The following SYT9 variants were observed in gnomAD, a reference collection of about 807,000 sequenced individuals.
The protein encoded by SYT9 is synaptotagmin-9.
In SYT9, 22 loss-of-function variants were observed where a neutral mutation model predicts 48.4. The ratio of observed to expected loss-of-function variants is 0.45; its 90% CI spans 0.32 to 0.65. The LOEUF (loss-of-function observed/expected upper bound fraction) is 0.65. Ranked by LOEUF, SYT9 falls within the 30% of genes least tolerant of loss-of-function variation. The probability of loss-of-function intolerance (pLI) is 0.03; values close to 1 mark genes in which losing one functional copy is unlikely to be tolerated. For missense variants in SYT9, 577 were observed against 622.0 expected (o/e 0.93, Z 0.77); for synonymous variants, 265 against 245.0 (o/e 1.08, Z -0.76).
intron 3 of SYT9, among the ~76,000 whole-genome samples, chr11:7,358,475 C>A (rs1020627051): frequency 1.3e-5 from 2 of 152,220 alleles, no homozygotes; most frequent in Admixed American, 6.5e-5. Context: ...ACTGTTAGGT[C>A]CTCCTGTACA....
At chr11:7,247,553 G>GTA (rs1486412118), upstream of SYT9, among the ~76,000 whole-genome samples, 5 of 134,794 alleles carry the variant, frequency 3.7e-5, 1 homozygote, top group Admixed American at 1.6e-4. Context: ...ACGTATACAT[G>GTA]TATATACACA....
At chr11:7,287,388 G>C (rs995945279) in intron 1 of SYT9, among the ~76,000 whole-genome samples, 2 of 152,196 alleles carry the variant, frequency 1.3e-5, no homozygotes, top group East Asian at 3.8e-4. Context: ...TTCAACATAA[G>C]ATTTGGGTGG....
At chr11:7,322,924 G>A (rs1475889030) in intron 3 of SYT9, among the ~76,000 whole-genome samples, 1 of 151,994 alleles carries the variant, frequency 6.6e-6, no homozygotes, top group Non-Finnish European at 1.5e-5. Context: ...TGAAATTTAT[G>A]TGAAAGATAC....
intron 1 of SYT9, among the ~76,000 whole-genome samples, chr11:7,301,680 G>A (rs1205142751): frequency 6.6e-6 from 1 of 152,220 alleles, no homozygotes; most frequent in Non-Finnish European, 1.5e-5. Context: ...TTGGCATGTA[G>A]TAGGCATTCA....
At chr11:7,302,809 G>A (rs933111150) in intron 1 of SYT9, among the ~76,000 whole-genome samples, 1 of 152,140 alleles carries the variant, frequency 6.6e-6, no homozygotes, top group Admixed American at 6.5e-5. Context: ...AACATGGCTT[G>A]CATGCTATGG....
At chr11:7,307,274 G>A (rs1418187988) in intron 2 of SYT9, among the ~76,000 whole-genome samples, 2 of 152,196 alleles carry the variant, frequency 1.3e-5, no homozygotes, top group East Asian at 1.9e-4. Flanking sequence ...TATACTATGA[G>A]TAGCACATTT....
chr11:7,423,596 ACACT>A (rs1847396554), intron 6 of SYT9, among the ~76,000 whole-genome samples: 1 of 152,204 alleles, frequency 6.6e-6, no homozygotes, highest in African/African-American at 2.4e-5. Flanking sequence ...TATATAATAA[ACACT>A]CAGTAAAGTT....
chr11:7,404,274 C>T (rs1846959926), intron 3 of SYT9, among the ~76,000 whole-genome samples: 1 of 152,078 alleles, frequency 6.6e-6, no homozygotes, highest in African/African-American at 2.4e-5. Context: ...TTTAGAGGTT[C>T]AGACCATTCA....
chr11:7,385,372 G>A (rs549890023), intron 3 of SYT9, among the ~76,000 whole-genome samples: 14 of 151,678 alleles, frequency 9.2e-5, no homozygotes, highest in South Asian at 2.1e-4. Context: ...GTGTGTGTGC[G>A]TGTGTGTCCA....
chr11:7,273,904 G>A (rs1426261968), intron 1 of SYT9, among the ~76,000 whole-genome samples: 1 of 151,974 alleles, frequency 6.6e-6, no homozygotes, highest in Non-Finnish European at 1.5e-5. Context: ...CTGTCAGGGG[G>A]TGGGGGACAA....
At chr11:7,409,079 G>T (rs1436678602) in intron 3 of SYT9, among the ~76,000 whole-genome samples, 7 of 152,016 alleles carry the variant, frequency 4.6e-5, no homozygotes, top group African/African-American at 1.4e-4. Flanking sequence ...TGTTCCTTCT[G>T]CACTTGGTTT....
intron 3 of SYT9, among the ~76,000 whole-genome samples, chr11:7,335,108 G>A (rs1252509238): frequency 6.6e-6 from 1 of 152,156 alleles, no homozygotes; most frequent in Admixed American, 6.5e-5. Flanking sequence ...AACTGTGAAA[G>A]TTCTAGTTGC....
chr11:7,315,753 C>T (rs1244128676), intron 3 of SYT9, among the ~76,000 whole-genome samples: 2 of 152,134 alleles, frequency 1.3e-5, no homozygotes, highest in African/African-American at 4.8e-5. Context: ...GTGATGGAGA[C>T]CTTCTGGCCC....
intron 6 of SYT9, among the ~76,000 whole-genome samples, chr11:7,445,159 A>T (rs981400807): frequency 1.3e-5 from 2 of 152,238 alleles, no homozygotes; most frequent in African/African-American, 4.8e-5. Context: ...GTGAGACTTA[A>T]ATGAAAAAAT....
At chr11:7,356,189 T>C (rs1431964859) in intron 3 of SYT9, among the ~76,000 whole-genome samples, 2 of 152,158 alleles carry the variant, frequency 1.3e-5, no homozygotes, top group African/African-American at 4.8e-5. Context: ...GATGATCCCA[T>C]CAAAGGATGG....
chr11:7,450,205 C>T (rs565921168), intron 6 of SYT9, among the ~76,000 whole-genome samples: 9 of 152,256 alleles, frequency 5.9e-5, no homozygotes, highest in African/African-American at 1.9e-4. Context: ...AATAACTGGC[C>T]GAGCTATCAG....
chr11:7,277,122 C>A (rs115453507), intron 1 of SYT9, among the ~76,000 whole-genome samples: 1 of 152,162 alleles, frequency 6.6e-6, no homozygotes, highest in Admixed American at 6.5e-5. Flanking sequence ...TTCATTAGAT[C>A]AGATTGGAAC....
chr11:7,431,050 A>G (rs1363963576), intron 6 of SYT9, among the ~76,000 whole-genome samples: 4 of 152,238 alleles, frequency 2.6e-5, no homozygotes, highest in Non-Finnish European at 4.4e-5. Flanking sequence ...AGGGCTTACA[A>G]GAAGACAGAA....
At chr11:7,402,952 A>G (rs1215951499) in intron 3 of SYT9, among the ~76,000 whole-genome samples, 1 of 152,152 alleles carries the variant, frequency 6.6e-6, no homozygotes, top group Non-Finnish European at 1.5e-5. Flanking sequence ...GGCAGACTAT[A>G]TATACTGATT....
Sources: allele counts gnomAD v4.1 joint callset (sites outside exome capture counted in the v4.1 genomes callset), GRCh38; gene constraint gnomAD v4.1.1; transcripts MANE v1.5; gene names NCBI Gene and HGNC (gene_info 2026-07-23, HGNC 2026-07-21).